The following PGGT1B variants were observed in gnomAD, a reference collection of about 807,000 sequenced individuals.
The protein encoded by PGGT1B is geranylgeranyl transferase type-1 subunit beta.
PGGT1B carries 30 observed loss-of-function variants against 46.1 expected under a neutral mutation model. The observed-to-expected ratio is 0.65, with a 90% confidence interval of 0.49 to 0.88. PGGT1B has a LOEUF of 0.88. PGGT1B is among the 40% of genes least tolerant of loss of function. PGGT1B has a pLI of 0.00. For missense variants in PGGT1B, 376 were observed against 455.9 expected (o/e 0.82, Z 1.60); for synonymous variants, 170 against 160.0 (o/e 1.06, Z -0.47).
chr5:115,218,561 G>C (rs79723760), intron 7 of PGGT1B, among the ~76,000 whole-genome samples: 2 of 149,272 alleles, frequency 1.3e-5, no homozygotes, highest in African/African-American at 4.9e-5. Flanking sequence ...GGATGGTAGG[G>C]AACCAACTCA....
intron 1 of PGGT1B, among the ~76,000 whole-genome samples, chr5:115,254,646 G>A (rs17640052): frequency 0.38 from 56,440 of 150,346 alleles, 11,296 homozygotes; most frequent in East Asian, 0.52. Flanking sequence ...ATCCCTGGTG[G>A]AAAAAGACTA....
chr5:115,229,784 A>G (rs1756921577), intron 6 of PGGT1B, among the ~76,000 whole-genome samples: 1 of 152,088 alleles, frequency 6.6e-6, no homozygotes. Context: ...TGTGGTGATG[A>G]CTAGTAACAT....
intron 8 of PGGT1B, among the ~76,000 whole-genome samples, chr5:115,214,408 T>A (rs908400449): frequency 1.3e-5 from 2 of 152,186 alleles, no homozygotes; most frequent in Admixed American, 6.5e-5. Context: ...ATATATTTAC[T>A]CCACAATAAA....
intron 6 of PGGT1B, among the ~76,000 whole-genome samples, chr5:115,227,845 A>G (rs1208955358): frequency 1.3e-5 from 2 of 152,208 alleles, no homozygotes; most frequent in African/African-American, 2.4e-5. Flanking sequence ...GACTGTATGT[A>G]AAGTATCAGA....
rs1043779159 is a variant in PGGT1B at position 115,206,362 on chromosome 5, A to T, written c.*6040T>A. 2 of 151,894 alleles carry T rather than the reference A, an allele frequency of 1.3e-5. No individual in the cohort carries two copies. The highest frequency in any genetic ancestry group is 4.8e-5 in the African/African-American group (2 of 41,416). 9.4% of individuals were successfully genotyped at this position (151,894 alleles called of 1,614,324 possible). A position where few individuals can be genotyped will look rare whatever the true frequency, so the allele number is the denominator to read the frequency against. Reference sequence around the variant, plus strand: ...AATTATAAAACTAAATGACCATTTTAAAAAAAGGTTCAAAGTGAAATAAGC... The same window carrying T: ...AATTATAAAACTAAATGACCATTTTTAAAAAAGGTTCAAAGTGAAATAAGC... On this transcript the variant is annotated 3_prime_UTR_variant, in exon 9 of 9. Coordinates refer to ENST00000419445, the MANE Select transcript of PGGT1B (RefSeq NM_005023.4).
intron 7 of PGGT1B, among the ~76,000 whole-genome samples, chr5:115,218,127 G>A (rs993836644): frequency 3.3e-5 from 5 of 151,666 alleles, no homozygotes; most frequent in Non-Finnish European, 7.4e-5. Flanking sequence ...TAACTATAAC[G>A]GGTAACAATT....
At chr5:115,251,419 T>TA (rs1748089860) in intron 2 of PGGT1B, among the ~76,000 whole-genome samples, 1 of 152,080 alleles carries the variant, frequency 6.6e-6, no homozygotes, top group Non-Finnish European at 1.5e-5. Context: ...AATAGCGTTA[T>TA]AAAAAACTCA....
At chr5:115,260,507 A>G (rs1359558235) in intron 1 of PGGT1B, among the ~76,000 whole-genome samples, 1 of 152,138 alleles carries the variant, frequency 6.6e-6, no homozygotes, top group African/African-American at 2.4e-5. Context: ...TTTGCTGAAA[A>G]GGTTGGAGTT....
intron 8 of PGGT1B, among the ~76,000 whole-genome samples, chr5:115,213,706 A>G (rs1161282689): frequency 6.6e-6 from 1 of 152,192 alleles, no homozygotes; most frequent in Non-Finnish European, 1.5e-5. Context: ...AGGGAGGTTG[A>G]GGCTGCAGTG....
At chr5:115,227,785 A>C (rs1756834491) in intron 6 of PGGT1B, among the ~76,000 whole-genome samples, 1 of 152,174 alleles carries the variant, frequency 6.6e-6, no homozygotes, top group African/African-American at 2.4e-5. Flanking sequence ...CTGAGTTCTG[A>C]CTAAGACAAA....
intron 3 of PGGT1B, among the ~76,000 whole-genome samples, chr5:115,238,290 G>GTTTTTTTTTT (rs1757245634): frequency 1.4e-5 from 1 of 72,040 alleles, no homozygotes; most frequent in Non-Finnish European, 2.6e-5. Flanking sequence ...TATTTTTTTG[G>GTTTTTTTTTT]ATTTTTTTTT....
intron 6 of PGGT1B, among the ~76,000 whole-genome samples, chr5:115,222,261 G>T (rs1756611311): frequency 6.6e-6 from 1 of 152,144 alleles, no homozygotes; most frequent in African/African-American, 2.4e-5. Flanking sequence ...TAAGGAACTT[G>T]TTTAAAATTA....
chr5:115,257,875 A>C (rs775359332), intron 1 of PGGT1B, among the ~76,000 whole-genome samples: 1 of 152,362 alleles, frequency 6.6e-6, no homozygotes, highest in East Asian at 1.9e-4. Context: ...AGAGCCTTAG[A>C]TGATACATTA....
chr5:115,237,842 A>G lies in PGGT1B; in HGVS notation c.479+16T>C. 2 of 1,596,196 alleles carry G rather than the reference A, an allele frequency of 1.3e-6. No individual in the cohort carries two copies. The highest frequency in any genetic ancestry group is 1.7e-6 in the Non-Finnish European group (2 of 1,175,110). On this transcript the variant is annotated intron_variant, in intron 4 of 8. Transcript: ENST00000419445. ...TTTTGTTTATTACAAAAAAAGTAACAAAGAATCACTCATACCTCCCATCTT... is the reference window on the plus strand; with the variant it reads ...TTTTGTTTATTACAAAAAAAGTAACGAAGAATCACTCATACCTCCCATCTT...
intron 8 of PGGT1B, among the ~76,000 whole-genome samples, 161 bp from the exon 9 acceptor site, chr5:115,212,744 A>G (rs1044489054): frequency 6.6e-6 from 1 of 151,910 alleles, no homozygotes; most frequent in African/African-American, 2.4e-5. Flanking sequence ...AGCCTCAAAC[A>G]CCAATTAAAA....
At chr5:115,235,453 A>T (rs980403639) in intron 5 of PGGT1B, among the ~76,000 whole-genome samples, 2 of 152,114 alleles carry the variant, frequency 1.3e-5, no homozygotes, top group African/African-American at 4.8e-5. Context: ...TCACCACAAG[A>T]TATTCGGTAA....
In PGGT1B at chr5:115,207,611, A is replaced by T. The variant is rs1756103185; in HGVS notation, c.*4791T>A. On this transcript the variant is annotated 3_prime_UTR_variant, in exon 9 of 9. Transcript: ENST00000419445. The stretch of plus-strand genomic sequence containing the variant: ...TCAAAGTATGCACTTGTGTCTGGTG[A>T]AGCCTACTGATATTTTTATGTAAAT... 6.6e-6 allele frequency: 1 copy of T among 152,050 alleles called. No individual in the cohort carries two copies. Among genetic ancestry groups the T allele is most frequent in the Non-Finnish European group, 1.5e-5 (1 of 67,918 alleles). 9.4% of individuals were successfully genotyped at this position (152,050 alleles called of 1,614,324 possible).
intron 6 of PGGT1B, among the ~76,000 whole-genome samples, chr5:115,229,977 G>A (rs1756926555): frequency 6.6e-6 from 1 of 152,074 alleles, no homozygotes; most frequent in Non-Finnish European, 1.5e-5. Context: ...GGTGAGAAGA[G>A]GAGGAAATAC....
In PGGT1B at chr5:115,262,711, C is replaced by A. The variant is rs1364102130; in HGVS notation, c.140+1G>T. 1 of 1,605,622 alleles carries A rather than the reference C, an allele frequency of 6.2e-7. No individual in the cohort carries two copies. The highest frequency in any genetic ancestry group is 1.7e-5 in the Admixed American group (1 of 58,890). On this transcript the variant is annotated splice_donor_variant, in intron 1 of 8. Transcript: ENST00000419445. LOFTEE classifies it high-confidence loss of function. ...GCCTGGCTGACTGTGCCACGAGTTACCTGCTTGTCTCGAGTGAAGAATAGC... is the reference window on the plus strand; with the variant it reads ...GCCTGGCTGACTGTGCCACGAGTTAACTGCTTGTCTCGAGTGAAGAATAGC...
Sources: gnomAD v4.1 joint callset for allele counts (sites outside exome capture counted in the v4.1 genomes callset) on GRCh38, gnomAD v4.1.1 for gene constraint, MANE v1.5 for transcripts, NCBI Gene and HGNC (gene_info 2026-07-23, HGNC 2026-07-21) for gene names.